Variants in F8 observed in about 807,000 individuals in gnomAD.
F8 encodes coagulation factor VIII, also known as antihemophilic factor.
Under a neutral mutation model 140.6 loss-of-function variants are expected in F8, and 12 were observed. That is an observed-to-expected ratio of 0.09 (90% CI 0.05 to 0.14). The LOEUF (loss-of-function observed/expected upper bound fraction) is 0.14, where lower values mean the gene tolerates loss of function less well. F8 is among the 10% of genes least tolerant of loss of function. F8 has a pLI of 1.00. For missense variants in F8, 1,354 were observed against 1,720.7 expected, an observed-to-expected ratio of 0.79 and a Z score of 3.77; for synonymous variants, 585 against 614.6, an observed-to-expected ratio of 0.95 and a Z score of 0.71.
chrX:154,952,822 G>A (rs141437877), intron 12 of F8, among the ~76,000 whole-genome samples: 4,914 of 111,911 alleles, frequency 0.044, 123 homozygotes, highest in Non-Finnish European at 0.071. Flanking sequence ...GATTACAGGC[G>A]TGAGCCACTG....
In F8 at chrX:154,873,170, TA is replaced by T. The variant is rs1226600770; in HGVS notation, c.6430-9944del. 8.2e-3 allele frequency among the ~76,000 whole-genome samples: 833 copies of T among 101,438 alleles called. 4 individuals carry two copies. The highest frequency in any genetic ancestry group is 0.027 in the African/African-American group (770 of 28,081). 88.1% of individuals were successfully genotyped at this position (101,438 alleles called of 115,157 possible). A position where few individuals can be genotyped will look rare whatever the true frequency, so the allele number is the denominator to read the frequency against. On this transcript the variant is annotated intron_variant, in intron 22 of 25. Coordinates refer to ENST00000360256, the MANE Select transcript of F8 (RefSeq NM_000132.4). ...ATCTCAATGGTGTTCTTCACAGAAA[TA>T]AAAAAAAAATTTTAATTAATATGAA...
chrX:154,862,120 G>A (rs971869412), intron 23 of F8, among the ~76,000 whole-genome samples: 16 of 111,099 alleles, frequency 1.4e-4, no homozygotes, highest in Non-Finnish European at 1.7e-4. Flanking sequence ...TCTGCCTCCC[G>A]AGTTCAAGCG....
chrX:154,982,736 C>G (rs2073536213), intron 6 of F8, among the ~76,000 whole-genome samples: 1 of 110,796 alleles, frequency 9.0e-6, no homozygotes, highest in Non-Finnish European at 1.9e-5. Context: ...TGCAGGCATC[C>G]ACTGAAAACT....
At chrX:154,981,328 T>G (rs182534074) in intron 6 of F8, among the ~76,000 whole-genome samples, 30 of 110,338 alleles carry the variant, frequency 2.7e-4, no homozygotes, top group African/African-American at 9.6e-4. Context: ...ACCTTGATGT[T>G]TCTGTGAGGA....
chrX:154,907,192 G>A (rs2073043201), intron 14 of F8, among the ~76,000 whole-genome samples: 1 of 111,799 alleles, frequency 8.9e-6, no homozygotes. Flanking sequence ...TAAAAATATA[G>A]TTTAGTTTTG....
At chrX:154,839,619 C>A (rs1038368852) in intron 25 of F8, among the ~76,000 whole-genome samples, 1 of 111,202 alleles carries the variant, frequency 9.0e-6, no homozygotes, top group Non-Finnish European at 1.9e-5. Flanking sequence ...GCCTCGGCCT[C>A]CCAAAGTGCT....
intron 13 of F8, among the ~76,000 whole-genome samples, chrX:154,933,047 A>C (rs2073206343): frequency 1.8e-5 from 2 of 111,829 alleles, no homozygotes; most frequent in Admixed American, 1.9e-4. Flanking sequence ...AATGGTGACC[A>C]AGCTGGAGTT....
intron 13 of F8, among the ~76,000 whole-genome samples, chrX:154,940,257 T>C (rs192200295): frequency 9.0e-6 from 1 of 111,317 alleles, no homozygotes; most frequent in African/African-American, 3.3e-5. Context: ...AAAGAAGTTA[T>C]AAACTTTGAA....
chrX:154,845,228 A>G (rs1322557440), intron 25 of F8, among the ~76,000 whole-genome samples: 2 of 111,939 alleles, frequency 1.8e-5, no homozygotes, highest in Non-Finnish European at 3.8e-5. Flanking sequence ...ATCAATGTTC[A>G]TCAGGGATAT....
intron 14 of F8, among the ~76,000 whole-genome samples, chrX:154,920,538 A>ACC (rs1241698530): frequency 1.8e-5 from 2 of 108,828 alleles, no homozygotes; most frequent in Non-Finnish European, 3.8e-5. Flanking sequence ...TGTAGCCTTG[A>ACC]CCCCCCCAGG....
chrX:154,906,683 A>G (rs2073040191), intron 14 of F8, 110 bp from the exon 15 acceptor site: 2 of 678,361 alleles, frequency 2.9e-6, no homozygotes, highest in East Asian at 6.8e-5. Context: ...ATAGTTAACC[A>G]CTTCATCTTC....
intron 6 of F8, among the ~76,000 whole-genome samples, chrX:154,977,925 T>A (rs2073496686): frequency 9.0e-6 from 1 of 110,889 alleles, no homozygotes; most frequent in African/African-American, 3.3e-5. Flanking sequence ...GTGCCTAATA[T>A]GTCATGAAAT....
Position 154,930,282 on chromosome X carries a change from C to T in F8, c.3508G>A (p.Val1170Ile). ...QNFLSEKNKV[V>I]VGKGEFTKDV... ...TTTGTAAATTCACCCTTTCCTACTA[C>T]CACTTTGTTTTTCTCAGACAAGAAA... Residue 1170 changes from valine to isoleucine, a missense_variant, in exon 14 of 26, where the codon GTA becomes ATA. By Grantham distance (29) the Val-to-Ile change is conservative. Coordinates refer to ENST00000360256, the MANE Select transcript of F8 (RefSeq NM_000132.4). 3.3e-6 allele frequency: 4 copies of T among 1,211,568 alleles called. No homozygotes were observed. The South Asian group carries it at 7.0e-5, about 21-fold the overall frequency.
intron 13 of F8, among the ~76,000 whole-genome samples, chrX:154,942,933 T>C (rs2073278019): frequency 9.2e-6 from 1 of 108,603 alleles, no homozygotes; most frequent in African/African-American, 3.4e-5. Flanking sequence ...ATTATCTCAA[T>C]AGATGCAGAA....
At chrX:154,968,221 T>A (rs1301472494) in intron 7 of F8, among the ~76,000 whole-genome samples, 1 of 111,488 alleles carries the variant, frequency 9.0e-6, no homozygotes, top group African/African-American at 3.3e-5. Flanking sequence ...AATGCAGTTA[T>A]CTGGGGAAAG....
At position 154,929,042 on chromosome X, in the gene F8, G is replaced by A. The variant is rs1603433736; in HGVS notation, c.4748C>T (p.Pro1583Leu). 1 of 1,210,783 alleles carries A rather than the reference G, an allele frequency of 8.3e-7. No homozygotes were observed. Among genetic ancestry groups the A allele is most frequent in the East Asian group, 3.0e-5 (1 of 33,843 alleles). ...SAKTPSKLLD[P>L]LAWDNHYGTQ... ...ACCATAGTGGTTATCCCAAGCAAGA[G>A]GATCCAATAGCTTGGAGGGAGTCTT... The change falls in exon 14 of 26, where the codon CCT (proline) becomes CTT (leucine). Residue 1583 changes from proline to leucine, a missense_variant. Physicochemically the swap from Pro to Leu is moderately conservative, Grantham distance 98. Transcript: ENST00000360256.
intron 6 of F8, among the ~76,000 whole-genome samples, chrX:154,969,800 G>T (rs782030790): frequency 9.0e-6 from 1 of 111,438 alleles, no homozygotes; most frequent in Non-Finnish European, 1.9e-5. Context: ...CCATTCATTC[G>T]TTTTTAAAAC....
In F8 at chrX:154,954,639, G is replaced by A. The variant is rs192756065; in HGVS notation, c.1753-597C>T. Among the ~76,000 whole-genome samples the A allele has an allele frequency of 3.7e-3, 416 of 111,765 alleles. 5 individuals carry two copies. Among genetic ancestry groups the A allele is most frequent in the African/African-American group, 0.013 (390 of 30,797 alleles). On this transcript the variant is annotated intron_variant, in intron 11 of 25. Transcript: ENST00000360256. ...TATGAACCAGATTTATGAATTAGTC[G>A]CTTGCTAATTGGATCTGCTAAGATT...
chrX:154,861,839 C>T lies in F8; in HGVS notation c.6602G>A (p.Ser2201Asn). 8.3e-7 allele frequency: 1 copy of T among 1,211,272 alleles called. No homozygotes were observed. The highest frequency in any genetic ancestry group is 1.1e-6 in the Non-Finnish European group (1 of 895,188). ...NSCSMPLGME[S>N]KAISDAQITA... ...AATCTGTGCATCTGATATTGCTTTA[C>T]TCTCCATTCCCAATGGCATGCTGCA... Residue 2201 changes from serine to asparagine, a missense_variant, in exon 24 of 26, where the codon AGT (serine) becomes AAT (asparagine). Coordinates refer to ENST00000360256, the MANE Select transcript of F8 (RefSeq NM_000132.4).
Sources: allele counts gnomAD v4.1 joint callset (sites outside exome capture counted in the v4.1 genomes callset), GRCh38; gene constraint gnomAD v4.1.1; transcripts MANE v1.5; gene names NCBI Gene and HGNC (gene_info 2026-07-23, HGNC 2026-07-21).